The following CTNNA3 variants were observed in gnomAD, a reference collection of about 807,000 sequenced individuals.
CTNNA3 encodes the protein catenin alpha 3.
CTNNA3 carries 76 observed loss-of-function variants against 95.7 expected under a neutral mutation model. The observed-to-expected ratio is 0.79, with a 90% CI of 0.66 to 0.96. The LOEUF (loss-of-function observed/expected upper bound fraction) is 0.96. Ranked by LOEUF, CTNNA3 falls within the 40% of genes least tolerant of loss-of-function variation. The pLI is 0.00. For synonymous variants in CTNNA3, 431 were observed against 374.4 expected, an observed-to-expected ratio of 1.15 and a Z score of -1.74; for missense variants, 1,191 against 1,089.8, an observed-to-expected ratio of 1.09 and a Z score of -1.31.
At chr10:67,014,817 C>T (rs978027721) in intron 7 of CTNNA3, among the ~76,000 whole-genome samples, 1 of 151,940 alleles carries the variant, frequency 6.6e-6, no homozygotes, top group African/African-American at 2.4e-5. Flanking sequence ...TCATTCCAAA[C>T]ATAGCTAAAT....
At chr10:66,154,145 T>C (rs2084352594) in intron 13 of CTNNA3, among the ~76,000 whole-genome samples, 1 of 152,084 alleles carries the variant, frequency 6.6e-6, no homozygotes, top group East Asian at 1.9e-4. Flanking sequence ...TTGTATTTTT[T>C]GGAGATATTT....
At chr10:66,926,300 C>G in intron 7 of CTNNA3, 1 of 447,064 alleles carries the variant, frequency 2.2e-6, no homozygotes, top group Non-Finnish European at 4.1e-6. Flanking sequence ...CCCCAAAAAA[C>G]TGTAAAGATG....
At chr10:66,328,388 A>C (rs1453732189) in intron 12 of CTNNA3, among the ~76,000 whole-genome samples, 3 of 152,088 alleles carry the variant, frequency 2.0e-5, no homozygotes, top group African/African-American at 7.2e-5. Context: ...GTGGCAGCTA[A>C]GACAAGACAC....
intron 15 of CTNNA3, among the ~76,000 whole-genome samples, chr10:66,021,924 G>C (rs952927096): frequency 7.2e-6 from 1 of 138,250 alleles, no homozygotes; most frequent in Non-Finnish European, 1.5e-5. Flanking sequence ...TACGACCGCA[G>C]CTCATTGTAG....
At chr10:65,966,241 C>G (rs1277678035) in intron 17 of CTNNA3, among the ~76,000 whole-genome samples, 4 of 152,120 alleles carry the variant, frequency 2.6e-5, no homozygotes, top group Non-Finnish European at 5.9e-5. Context: ...GCGAAGCAAT[C>G]ATTTTATTAA....
intron 6 of CTNNA3, among the ~76,000 whole-genome samples, chr10:67,217,071 C>G (rs979550863): frequency 1.3e-5 from 2 of 152,194 alleles, no homozygotes; most frequent in African/African-American, 4.8e-5. Flanking sequence ...AAAAATTTAA[C>G]AAAAGCTTCA....
intron 1 of CTNNA3, among the ~76,000 whole-genome samples, chr10:67,718,548 G>A (rs532969780): frequency 6.6e-6 from 1 of 152,238 alleles, no homozygotes; most frequent in Non-Finnish European, 1.5e-5. Flanking sequence ...GGCCTTTTCT[G>A]CATCTGTTGA....
intron 7 of CTNNA3, among the ~76,000 whole-genome samples, chr10:67,141,402 G>A (rs2132041713): frequency 6.6e-6 from 1 of 152,224 alleles, no homozygotes; most frequent in African/African-American, 2.4e-5. Flanking sequence ...ATTGCTGGGA[G>A]CAAAATAAAC....
At chr10:67,240,206 T>A (rs1296781311) in intron 5 of CTNNA3, among the ~76,000 whole-genome samples, 1 of 152,202 alleles carries the variant, frequency 6.6e-6, no homozygotes, top group Admixed American at 6.5e-5. Context: ...GAGATTAAGA[T>A]GTGCAGCAGA....
chr10:67,204,436 C>T (rs530653928), intron 6 of CTNNA3, among the ~76,000 whole-genome samples: 4 of 152,278 alleles, frequency 2.6e-5, no homozygotes, highest in African/African-American at 9.6e-5. Context: ...TCACCTTCCA[C>T]CACGATTGAA....
chr10:66,033,872 C>T (rs1209636698), intron 15 of CTNNA3, among the ~76,000 whole-genome samples: 1 of 152,186 alleles, frequency 6.6e-6, no homozygotes, highest in Non-Finnish European at 1.5e-5. Flanking sequence ...ACTTCCTTCC[C>T]TGCAATATGT....
intron 10 of CTNNA3, among the ~76,000 whole-genome samples, chr10:66,559,854 T>C (rs1842499376): frequency 6.6e-6 from 1 of 152,082 alleles, no homozygotes; most frequent in African/African-American, 2.4e-5. Context: ...AGTAATTCAT[T>C]TTTAGTGTTT....
At chr10:66,226,876 T>C (rs183433315) in intron 13 of CTNNA3, among the ~76,000 whole-genome samples, 22 of 152,158 alleles carry the variant, frequency 1.4e-4, no homozygotes, top group African/African-American at 5.1e-4. Flanking sequence ...TATTGGTGTA[T>C]AGAGAGACTA....
At chr10:66,498,431 T>C (rs1840169789) in intron 11 of CTNNA3, among the ~76,000 whole-genome samples, 1 of 152,144 alleles carries the variant, frequency 6.6e-6, no homozygotes, top group African/African-American at 2.4e-5. Flanking sequence ...GATTTTCCTT[T>C]TGTTCATACA....
At chr10:67,517,635 G>A (rs1278273274) in intron 5 of CTNNA3, among the ~76,000 whole-genome samples, 2 of 152,144 alleles carry the variant, frequency 1.3e-5, no homozygotes, top group African/African-American at 2.4e-5. Flanking sequence ...TGAATTGGAC[G>A]TTAGCCAGAA....
At chr10:66,205,923 T>C (rs1050685341) in intron 13 of CTNNA3, among the ~76,000 whole-genome samples, 3 of 151,968 alleles carry the variant, frequency 2.0e-5, no homozygotes, top group African/African-American at 7.2e-5. Context: ...TTATTTGCTA[T>C]GTTCAAGTCC....
rs1339908096 is a variant in CTNNA3 at position 67,566,006 on chromosome 10, TAC to T, written c.293-26339_293-26338del. Among the ~76,000 whole-genome samples, 268 of 108,338 alleles carry T rather than the reference TAC, an allele frequency of 2.5e-3. 16 individuals carry two copies. The highest frequency in any genetic ancestry group is 9.3e-3 in the African/African-American group (251 of 26,852). 71.1% of individuals were successfully genotyped at this position (108,338 alleles called of 152,430 possible). A position where few individuals can be genotyped will look rare whatever the true frequency, so the allele number is the denominator to read the frequency against. ...GCAGTATATATATATTATATATATA[TAC>T]ACACACAAACACACACACACACATA... On this transcript the variant is annotated intron_variant, in intron 3 of 17. Coordinates refer to ENST00000433211, the MANE Select transcript of CTNNA3 (RefSeq NM_013266.4).
chr10:66,084,593 T>A (rs1186902228), intron 14 of CTNNA3, among the ~76,000 whole-genome samples: 2 of 152,060 alleles, frequency 1.3e-5, no homozygotes, highest in Non-Finnish European at 2.9e-5. Context: ...AGAAAAAAAA[T>A]TCTTAGAAAA....
chr10:66,929,761 T>A (rs1190684694), intron 7 of CTNNA3, among the ~76,000 whole-genome samples: 2 of 152,214 alleles, frequency 1.3e-5, no homozygotes, highest in Non-Finnish European at 2.9e-5. Flanking sequence ...GCTGCATGCA[T>A]GTTTTTATGT....
Sources: allele counts gnomAD v4.1 joint callset (sites outside exome capture counted in the v4.1 genomes callset), GRCh38; gene constraint gnomAD v4.1.1; transcripts MANE v1.5; gene names NCBI Gene and HGNC (gene_info 2026-07-23, HGNC 2026-07-21).